KIF13B: variants seen among roughly 807,000 people sequenced by gnomAD.
KIF13B encodes kinesin family member 13B.
Under a neutral mutation model 222.0 loss-of-function variants are expected in KIF13B, and 127 were observed. That is an observed-to-expected ratio of 0.57 (90% confidence interval 0.50 to 0.66). The LOEUF (loss-of-function observed/expected upper bound fraction) is 0.66, where lower values mean the gene tolerates loss of function less well. Ranked by LOEUF, KIF13B falls within the 30% of genes least tolerant of loss-of-function variation. The pLI is 0.00. For missense variants in KIF13B, 2,173 were observed against 2,379.0 expected (o/e 0.91, Z 1.80); for synonymous variants, 976 against 919.0 (o/e 1.06, Z -1.12).
chr8:29,150,895 A>G (rs1467250209), intron 14 of KIF13B, among the ~76,000 whole-genome samples: 1 of 152,154 alleles, frequency 6.6e-6, no homozygotes, highest in East Asian at 1.9e-4. Context: ...AATAACTACA[A>G]TAACCTCTAA....
chr8:29,247,885 A>G (rs1201315505), intron 1 of KIF13B, among the ~76,000 whole-genome samples: 1 of 151,856 alleles, frequency 6.6e-6, no homozygotes, highest in African/African-American at 2.4e-5. Context: ...TTAAATAGGC[A>G]AAGGATCTGA....
intron 37 of KIF13B, among the ~76,000 whole-genome samples, chr8:29,083,857 T>C (rs1490207174): frequency 3.3e-5 from 5 of 152,152 alleles, no homozygotes; most frequent in Non-Finnish European, 7.4e-5. Flanking sequence ...ATGTTATTTT[T>C]TAAATAACCT....
In KIF13B at chr8:29,122,659, G is replaced by A. The variant is rs750447108; in HGVS notation, c.3480-13C>T. ...AGGTACTGGGGTCCTAAAACGGGAA[G>A]AACAAATGGCATCTGCCTCAGGTTA... On this transcript the variant is annotated splice_polypyrimidine_tract_variant and intron_variant, in intron 28 of 39. Coordinates refer to ENST00000524189, the MANE Select transcript of KIF13B (RefSeq NM_015254.4). 6.2e-7 allele frequency: 1 copy of A among 1,601,206 alleles called. No individual in the cohort carries two copies. The highest frequency in any genetic ancestry group is 1.7e-5 in the Admixed American group (1 of 58,388).
Position 29,068,719 on chromosome 8 carries a change from C to A in KIF13B, c.*1785G>T. The A allele has an allele frequency of 6.6e-6, 1 of 152,448 alleles. No homozygotes were observed. The allele number at this position is 152,448 out of a possible 1,614,324, so 9.4% of individuals were successfully genotyped here. On this transcript the variant is annotated 3_prime_UTR_variant, in exon 40 of 40. Transcript: ENST00000524189. The surrounding 1 kb of genome is among the most constrained non-coding windows in gnomAD (Gnocchi z 4.4). ...GGCAGCAGCAGTGCTGGCCTCTCAC[C>A]CAGGCCATAGTGACACCAGCGGACC... is the stretch of plus-strand genomic sequence containing the variant.
At chr8:29,250,045 A>T in intron 1 of KIF13B, 1 of 1,289,090 alleles carries the variant, frequency 7.8e-7, no homozygotes, top group African/African-American at 1.5e-5. Flanking sequence ...GCTTAATGGA[A>T]TCTGACCATA....
chr8:29,145,970 GAGCA>G (rs1811043199), intron 18 of KIF13B: 4 of 309,110 alleles, frequency 1.3e-5, no homozygotes, highest in African/African-American at 8.6e-5. Flanking sequence ...CAGTTTTACA[GAGCA>G]AGCTATTCCA....
At chr8:29,175,093 C>T (rs1392346007) in intron 10 of KIF13B, among the ~76,000 whole-genome samples, 1 of 151,964 alleles carries the variant, frequency 6.6e-6, no homozygotes, top group African/African-American at 2.4e-5. Context: ...CAAAATTAAA[C>T]AGGGCACATA....
intron 2 of KIF13B, among the ~76,000 whole-genome samples, chr8:29,241,971 C>A (rs145865070): frequency 2.3e-4 from 35 of 152,282 alleles, no homozygotes; most frequent in Admixed American, 9.1e-4. Context: ...GGAAAATGCA[C>A]TCCATTTTCC....
chr8:29,194,290 GTT>G (rs10581359), intron 3 of KIF13B, among the ~76,000 whole-genome samples: 3,948 of 142,168 alleles, frequency 0.028, 165 homozygotes, highest in Admixed American at 0.12. Context: ...TTATTATTGG[GTT>G]TTTTTTTTTT....
chr8:29,073,174 A>T (rs115739660), intron 38 of KIF13B, among the ~76,000 whole-genome samples: 2,936 of 142,072 alleles, frequency 0.021, 232 homozygotes, highest in African/African-American at 0.079. Flanking sequence ...TGAGGAGGGG[A>T]CAAAGGCTCC....
rs1812532937 is a variant in KIF13B, at chr8:29,177,556, T to A, written c.743A>T (p.Lys248Ile). The A allele has an allele frequency of 6.2e-7, 1 of 1,613,288 alleles. No individual in the cohort carries two copies. Reference protein sequence around the residue: ...KSGTSGEKVGKLSLVDLAGSE... With the variant: ...KSGTSGEKVGILSLVDLAGSE... ...GCCAGCTAAATCCACCAGGCTGAGTTTGCCCACTTTCTCTCCAGATGTCTA... is the reference window on the plus strand; with the variant it reads ...GCCAGCTAAATCCACCAGGCTGAGTATGCCCACTTTCTCTCCAGATGTCTA... Residue 248 changes from lysine (K) to isoleucine (I), a missense_variant, in exon 9 of 40, where the codon AAA becomes ATA. Transcript: ENST00000524189.
intron 35 of KIF13B, among the ~76,000 whole-genome samples, chr8:29,105,649 G>GTTT (rs1491222066): frequency 8.5e-5 from 6 of 70,326 alleles, no homozygotes; most frequent in South Asian, 4.9e-4. Context: ...GAGTTTGTTT[G>GTTT]GTTTTTTTTT....
intron 37 of KIF13B, among the ~76,000 whole-genome samples, chr8:29,085,768 T>G (rs1808023222): frequency 8.6e-6 from 1 of 116,706 alleles, no homozygotes; most frequent in South Asian, 3.1e-4. Flanking sequence ...GAGGATCCCT[T>G]GAGCCCAAGA....
At chr8:29,148,095 G>T (rs561534264) in intron 16 of KIF13B, among the ~76,000 whole-genome samples, 162 of 152,340 alleles carry the variant, frequency 1.1e-3, no homozygotes, top group African/African-American at 3.8e-3. Context: ...AGCTACTCAG[G>T]AGGCTGAGGC....
intron 2 of KIF13B, among the ~76,000 whole-genome samples, chr8:29,221,894 T>A (rs1040755360): frequency 3.9e-5 from 6 of 152,216 alleles, no homozygotes; most frequent in African/African-American, 1.4e-4. Flanking sequence ...ATATTCACTA[T>A]CGATACTTTA....
At chr8:29,084,119 C>T (rs114387513) in intron 37 of KIF13B, among the ~76,000 whole-genome samples, 1,843 of 152,166 alleles carry the variant, frequency 0.012, 30 homozygotes, top group African/African-American at 0.041. Flanking sequence ...GGTTTCACTG[C>T]GATGGCCAGG....
chr8:29,169,891 G>A (rs1045706952), intron 10 of KIF13B, among the ~76,000 whole-genome samples: 1 of 152,224 alleles, frequency 6.6e-6, no homozygotes, highest in African/African-American at 2.4e-5. Flanking sequence ...GTCAGCCCAC[G>A]TGAACAGCAA....
At chr8:29,190,928 T>C (rs1813152001) in intron 4 of KIF13B, 69 bp downstream of exon 4, 1 of 1,226,768 alleles carries the variant, frequency 8.2e-7, no homozygotes, top group Non-Finnish European at 1.2e-6. Context: ...CAAGCAATCG[T>C]GTAAGGGAAA....
At chr8:29,103,522 T>C (rs938835859) in intron 35 of KIF13B, among the ~76,000 whole-genome samples, 20 of 152,210 alleles carry the variant, frequency 1.3e-4, no homozygotes, top group African/African-American at 4.3e-4. Flanking sequence ...TCAGGGATCA[T>C]ATTTTATATT....
Sources: gnomAD v4.1 joint callset for allele counts (sites outside exome capture counted in the v4.1 genomes callset) on GRCh38, gnomAD v4.1.1 for gene constraint, Gnocchi (gnomAD v3.1) non-coding constraint, MANE v1.5 for transcripts, NCBI Gene and HGNC (gene_info 2026-07-23, HGNC 2026-07-21) for gene names.